Variants in CAPZA1 observed in about 807,000 individuals in gnomAD.
CAPZA1 encodes the protein F-actin-capping protein subunit alpha-1.
CAPZA1 carries 10 observed loss-of-function variants against 40.8 expected under a neutral mutation model. That is an observed-to-expected ratio of 0.25 (90% CI 0.15 to 0.42). The LOEUF (loss-of-function observed/expected upper bound fraction) is 0.42, where lower values mean the gene tolerates loss of function less well. CAPZA1 is among the 10% of genes least tolerant of loss of function. The pLI, the probability that CAPZA1 is intolerant of heterozygous loss-of-function variation, is 1.00. For synonymous variants in CAPZA1, 98 were observed against 115.0 expected (o/e 0.85, Z 0.95); for missense variants, 277 against 353.8 (o/e 0.78, Z 1.74).
chr1:112,651,120 T>C lies in CAPZA1; in HGVS notation c.155+1651T>C, dbSNP rs141290583. Among the ~76,000 whole-genome samples, 452 of 152,348 alleles carry C rather than the reference T, an allele frequency of 3.0e-3. 3 individuals carry two copies. The highest frequency in any genetic ancestry group is 0.01 in the African/African-American group (426 of 41,582). ...ATTGTCATAATTATTGCCTTCAGTCTGTATAAAATGAAGGGCTTGAAGTAG... is the reference window on the plus strand; with the variant it reads ...ATTGTCATAATTATTGCCTTCAGTCCGTATAAAATGAAGGGCTTGAAGTAG... On this transcript the variant is annotated intron_variant, in intron 3 of 9. Transcript: ENST00000263168.
intron 1 of CAPZA1, among the ~76,000 whole-genome samples, chr1:112,630,999 A>G (rs756720927): frequency 2.0e-5 from 3 of 152,184 alleles, no homozygotes; most frequent in Non-Finnish European, 2.9e-5. Context: ...CACCTGAGGA[A>G]GCTTTTAAAC....
At chr1:112,629,092 C>T (rs184865098) in intron 1 of CAPZA1, among the ~76,000 whole-genome samples, 208 of 152,314 alleles carry the variant, frequency 1.4e-3, no homozygotes, top group African/African-American at 2.6e-3. Flanking sequence ...CAAAGCCCTC[C>T]GGTGGCTTCC....
chr1:112,659,910 A>G (rs1570723830), intron 7 of CAPZA1, 131 bp downstream of exon 7: 1 of 670,856 alleles, frequency 1.5e-6, no homozygotes, highest in Non-Finnish European at 2.6e-6. Context: ...TAGAAATAGA[A>G]GCCTCCTTCT....
chr1:112,626,822 G>T (rs774885532), intron 1 of CAPZA1, among the ~76,000 whole-genome samples: 1 of 152,228 alleles, frequency 6.6e-6, no homozygotes, highest in South Asian at 2.1e-4. Flanking sequence ...CATACAGATT[G>T]TTAAGGCAGT....
At chr1:112,649,529 C>T (rs1671345408) in intron 3 of CAPZA1, 60 bp downstream of exon 3, 4 of 1,299,652 alleles carry the variant, frequency 3.1e-6, no homozygotes, top group Non-Finnish European at 4.5e-6. Context: ...ACTATGTTGA[C>T]AGTAAACTAG....
chr1:112,653,474 A>G (rs1175517161), intron 3 of CAPZA1, 124 bp from the exon 4 acceptor site: 1 of 660,490 alleles, frequency 1.5e-6, no homozygotes, highest in East Asian at 2.9e-5. Context: ...GGAAAAGTAC[A>G]GGGTACTATT....
At chr1:112,651,627 ACATTTT>A (rs1290105990) in intron 3 of CAPZA1, among the ~76,000 whole-genome samples, 1 of 152,160 alleles carries the variant, frequency 6.6e-6, no homozygotes, top group Non-Finnish European at 1.5e-5. Context: ...AAAGGTAAGG[ACATTTT>A]GGTGTTGGTG....
intron 1 of CAPZA1, among the ~76,000 whole-genome samples, chr1:112,629,431 T>C (rs189336535): frequency 6.6e-6 from 1 of 152,366 alleles, no homozygotes; most frequent in African/African-American, 2.4e-5. Context: ...TTCTCTGTTG[T>C]CTTTACCCAC....
intron 2 of CAPZA1, 52 bp downstream of exon 2, chr1:112,647,325 G>A (rs1237049716): frequency 3.3e-6 from 3 of 903,162 alleles, no homozygotes; most frequent in Non-Finnish European, 4.9e-6. Context: ...TATTTATTGA[G>A]TACTTGCTGT....
At chr1:112,664,676 C>T (rs1671688887) in intron 7 of CAPZA1, among the ~76,000 whole-genome samples, 1 of 152,106 alleles carries the variant, frequency 6.6e-6, no homozygotes, top group Non-Finnish European at 1.5e-5. Flanking sequence ...TGGCTCATGA[C>T]TGTAATCCCA....
At chr1:112,656,283 G>T (rs1048411348) in intron 5 of CAPZA1, among the ~76,000 whole-genome samples, 1 of 151,996 alleles carries the variant, frequency 6.6e-6, no homozygotes, top group East Asian at 1.9e-4. Context: ...TCAATTCTTT[G>T]ACTGTAAAAT....
intron 1 of CAPZA1, among the ~76,000 whole-genome samples, chr1:112,633,901 C>G (rs1670968683): frequency 6.6e-6 from 1 of 152,100 alleles, no homozygotes; most frequent in African/African-American, 2.4e-5. Flanking sequence ...AATGTCTGTT[C>G]AGACCGTTTG....
intron 3 of CAPZA1, among the ~76,000 whole-genome samples, chr1:112,650,686 C>T (rs556369397): frequency 2.0e-5 from 3 of 152,342 alleles, no homozygotes; most frequent in Non-Finnish European, 2.9e-5. Flanking sequence ...TTGAGAACTA[C>T]CCACAGTAAA....
At chr1:112,640,924 C>G (rs1245255522) in intron 1 of CAPZA1, among the ~76,000 whole-genome samples, 1 of 152,184 alleles carries the variant, frequency 6.6e-6, no homozygotes, top group Non-Finnish European at 1.5e-5. Flanking sequence ...GACCTTACCC[C>G]CAACCCTGTG....
rs1280584605 is a variant in CAPZA1 at position 112,662,437 on chromosome 1, T to C, written c.585+2658T>C. Among the ~76,000 whole-genome samples the C allele has an allele frequency of 4.1e-5, 6 of 148,130 alleles. 1 individual carries two copies. The highest frequency in any genetic ancestry group is 2.2e-4 in the South Asian group (1 of 4,558). ...TTTTTGAGACAGAGTCTCGCTCTGT[T>C]GCCCAGGATGGAGTGCAGTGGCAGG... is the stretch of plus-strand genomic sequence containing the variant. On this transcript the variant is annotated intron_variant, in intron 7 of 9. Coordinates refer to ENST00000263168, the MANE Select transcript of CAPZA1 (RefSeq NM_006135.3).
At chr1:112,654,427 T>G (rs1313783995) in intron 4 of CAPZA1, 38 bp from the exon 5 acceptor site, 2 of 1,396,124 alleles carry the variant, frequency 1.4e-6, no homozygotes, top group East Asian at 2.3e-5. Flanking sequence ...GAATTGTCTT[T>G]TTTACAGTTA....
At chr1:112,657,334 A>T (rs772708081) in intron 5 of CAPZA1, among the ~76,000 whole-genome samples, 9 of 150,802 alleles carry the variant, frequency 6.0e-5, no homozygotes, top group Non-Finnish European at 1.0e-4. Flanking sequence ...CCCTTCTCTC[A>T]TCTCTCTCTG....
At chr1:112,638,938 G>GATATAGA (rs1557729650) in intron 1 of CAPZA1, among the ~76,000 whole-genome samples, 3 of 78,024 alleles carry the variant, frequency 3.8e-5, no homozygotes, top group Admixed American at 1.5e-4. Flanking sequence ...ATAGATATAG[G>GATATAGA]TATAGATATA....
intron 1 of CAPZA1, among the ~76,000 whole-genome samples, chr1:112,641,630 C>A (rs1296309025): frequency 6.6e-6 from 1 of 152,010 alleles, no homozygotes; most frequent in Non-Finnish European, 1.5e-5. Context: ...TGGCTCACAC[C>A]TGTAGTCCCA....
Sources: allele counts gnomAD v4.1 joint callset (sites outside exome capture counted in the v4.1 genomes callset), GRCh38; gene constraint gnomAD v4.1.1; transcripts MANE v1.5; gene names NCBI Gene and HGNC (gene_info 2026-07-23, HGNC 2026-07-21).